The following SNRK variants were observed in gnomAD, a reference collection of about 807,000 sequenced individuals.
SNRK encodes SNF-related serine/threonine-protein kinase.
SNRK carries 3 observed loss-of-function variants against 48.2 expected under a neutral mutation model. The ratio of observed to expected loss-of-function variants is 0.06; its 90% CI spans 0.03 to 0.16. SNRK has a LOEUF of 0.16. SNRK is among the 10% of genes least tolerant of loss of function. The probability of loss-of-function intolerance (pLI) is 1.00; values close to 1 mark genes in which losing one functional copy is unlikely to be tolerated. For synonymous variants in SNRK, 376 were observed against 366.1 expected (o/e 1.03, Z -0.31); for missense variants, 627 against 976.0 (o/e 0.64, Z 4.76).
chr3:43,318,004 C>T (rs552303932), intron 3 of SNRK, among the ~76,000 whole-genome samples: 4 of 152,218 alleles, frequency 2.6e-5, no homozygotes, highest in Non-Finnish European at 5.9e-5. Flanking sequence ...AGTGCTGCTG[C>T]TTTGGGAAAC....
Position 43,347,365 on chromosome 3 carries a change from T to G in SNRK, c.1106T>G (p.Val369Gly). The change falls in exon 7 of 7, where the codon GTA (valine) becomes GGA (glycine). Residue 369 changes from valine (V) to glycine (G), a missense_variant. Physicochemically the swap from Val to Gly is moderately radical, Grantham distance 109. Around this residue, in one of 4 missense-constraint regions of SNRK, gnomAD observed 175 missense variants for 209.7 expected, o/e 0.83. Transcript: ENST00000296088. This position sits in a 1 kb window ranked among gnomAD's most constrained non-coding sequence, Gnocchi z 5.4. The stretch of plus-strand genomic sequence containing the variant: ...CAGTCATGGCCAACCAAAATTGATG[T>G]ACCCCAGGACCTTGAGGATGACCTC... ...FRQSWPTKID[V>G]PQDLEDDLTA... 6.3e-7 allele frequency: 1 copy of G among 1,575,148 alleles called. No individual in the cohort carries two copies. The highest frequency in any genetic ancestry group is 8.6e-7 in the Non-Finnish European group (1 of 1,161,666).
chr3:43,345,113 T>C (rs573939009), intron 6 of SNRK, among the ~76,000 whole-genome samples: 1 of 152,104 alleles, frequency 6.6e-6, no homozygotes, highest in Non-Finnish European at 1.5e-5. Flanking sequence ...ATAAAAAAAA[T>C]TTAAAAATAC....
At chr3:43,333,989 T>C (rs2091167989) in intron 4 of SNRK, among the ~76,000 whole-genome samples, 1 of 151,540 alleles carries the variant, frequency 6.6e-6, no homozygotes, top group African/African-American at 2.4e-5. Flanking sequence ...CTACTAAAAA[T>C]ACAAAACTTA....
chr3:43,314,271 A>G (rs2090999219), intron 3 of SNRK, among the ~76,000 whole-genome samples: 1 of 152,150 alleles, frequency 6.6e-6, no homozygotes, highest in South Asian at 2.1e-4. Context: ...GTTCTTAAGC[A>G]TCTTTATTTA....
intron 4 of SNRK, among the ~76,000 whole-genome samples, chr3:43,339,816 AAAATATAT>A (rs2091219046): frequency 3.8e-5 from 3 of 78,342 alleles, no homozygotes; most frequent in South Asian, 4.5e-4. Flanking sequence ...CTCCATTTCC[AAAATATAT>A]ATATATATAT....
At position 43,348,296 on chromosome 3, in the gene SNRK, C is replaced by A. The variant is rs755604762; in HGVS notation, c.2037C>A (p.Val679=). ...GCTTGTCATTTTCCAGTGTGAAAGTCCAAGAGAAATCTACGTGGAAAATGT... is the reference window on the plus strand; with the variant it reads ...GCTTGTCATTTTCCAGTGTGAAAGTACAAGAGAAATCTACGTGGAAAATGT... ...QNGLSFSSVK[V]QEKSTWKMCI... is the part of the protein sequence containing the mutation. Residue 679 remains valine (V), a synonymous_variant, in exon 7 of 7, where the codon GTC becomes GTA. Transcript: ENST00000296088. 1.2e-6 allele frequency: 2 copies of A among 1,613,958 alleles called. No individual in the cohort carries two copies. The highest frequency in any genetic ancestry group is 1.7e-6 in the Non-Finnish European group (2 of 1,179,942).
chr3:43,331,362 A>G (rs188778721), intron 3 of SNRK, among the ~76,000 whole-genome samples: 3 of 152,292 alleles, frequency 2.0e-5, no homozygotes, highest in East Asian at 3.9e-4. Flanking sequence ...GAAAGAGGTA[A>G]GGAGTTGTTT....
chr3:43,334,427 C>G (rs533550246), intron 4 of SNRK, among the ~76,000 whole-genome samples: 2 of 151,632 alleles, frequency 1.3e-5, no homozygotes, highest in African/African-American at 4.9e-5. Flanking sequence ...CACCACTGCA[C>G]TCCAGTCTGG....
At chr3:43,301,964 C>T (rs1198797555) in intron 2 of SNRK, among the ~76,000 whole-genome samples, 1 of 152,120 alleles carries the variant, frequency 6.6e-6, no homozygotes. Flanking sequence ...TAAATAGGAA[C>T]CTATTTCTAT....
chr3:43,320,031 A>G (rs1047988000), intron 3 of SNRK, among the ~76,000 whole-genome samples: 3 of 152,340 alleles, frequency 2.0e-5, no homozygotes, highest in East Asian at 1.9e-4. Flanking sequence ...GATGAACACA[A>G]ACAGTTTTGA....
At chr3:43,293,966 A>G (rs2090833175) in intron 1 of SNRK, among the ~76,000 whole-genome samples, 1 of 152,152 alleles carries the variant, frequency 6.6e-6, no homozygotes, top group Non-Finnish European at 1.5e-5. Flanking sequence ...TTTGGTATAT[A>G]CAATTTTTTT....
chr3:43,288,201 G>A (rs1408326571), intron 1 of SNRK, among the ~76,000 whole-genome samples: 1 of 152,076 alleles, frequency 6.6e-6, no homozygotes, highest in Non-Finnish European at 1.5e-5. Context: ...CATCCTGAAG[G>A]CTTTTCAGGC....
rs546103626 is a variant in SNRK at position 43,314,392 on chromosome 3, T to G, written c.589+10600T>G. Among the ~76,000 whole-genome samples, 62 of 152,320 alleles carry G rather than the reference T, an allele frequency of 4.1e-4. No homozygotes were observed. The South Asian group carries it at 4.1e-3, about 10-fold the overall frequency. ...TTGCCTTGTCTTGTGAAAAGGTAAA[T>G]TAATAAAATATAAATTGAGACATTC... On this transcript the variant is annotated intron_variant, in intron 3 of 6. Transcript: ENST00000296088.
intron 3 of SNRK, among the ~76,000 whole-genome samples, chr3:43,304,711 G>T (rs1048231637): frequency 2.6e-5 from 4 of 152,142 alleles, no homozygotes; most frequent in African/African-American, 9.6e-5. Context: ...TGAGTATTCT[G>T]CTTGCATTTG....
intron 4 of SNRK, chr3:43,333,109 G>C (rs2091159191): frequency 6.6e-6 from 1 of 152,016 alleles, no homozygotes. Flanking sequence ...ATCTCAGGTG[G>C]ATGTTTAAGA....
intron 6 of SNRK, among the ~76,000 whole-genome samples, chr3:43,345,623 T>C (rs2091269405): frequency 6.6e-6 from 1 of 151,956 alleles, no homozygotes; most frequent in African/African-American, 2.4e-5. Flanking sequence ...AGGGGCAGGG[T>C]CCTAGACCTG....
In SNRK at chr3:43,335,693, T is replaced by C. The variant is rs140088502; in HGVS notation, c.731+3383T>C. ...TCCACTGTGATGGTGGATTTGTTTT[T>C]TTTCTTGGAGCTCTGTCAGTTTTTG... On this transcript the variant is annotated intron_variant, in intron 4 of 6. Coordinates refer to ENST00000296088, the MANE Select transcript of SNRK (RefSeq NM_017719.5). Among the ~76,000 whole-genome samples, 71 of 152,342 alleles carry C rather than the reference T, an allele frequency of 4.7e-4. No individual in the cohort carries two copies. The East Asian group carries it at 0.013, about 28-fold the overall frequency.
chr3:43,326,905 C>T lies in SNRK; in HGVS notation c.590-5264C>T, dbSNP rs571613340. On this transcript the variant is annotated intron_variant, in intron 3 of 6. Coordinates refer to ENST00000296088, the MANE Select transcript of SNRK (RefSeq NM_017719.5). The stretch of plus-strand genomic sequence containing the variant: ...CTTTCTAGGGGAAAAGGAAACATTT[C>T]CCTGTTAAATAATAAAACCTTGCTT... Among the ~76,000 whole-genome samples, 4 of 152,252 alleles carry T rather than the reference C, an allele frequency of 2.6e-5. No homozygotes were observed. In the South Asian group the frequency reaches 6.2e-4, roughly 24 times the overall value.
chr3:43,307,672 C>T (rs1235999046), intron 3 of SNRK, among the ~76,000 whole-genome samples: 1 of 152,032 alleles, frequency 6.6e-6, no homozygotes, highest in Non-Finnish European at 1.5e-5. Flanking sequence ...TTTTACCTAC[C>T]AGCCATTCCC....
Sources: gnomAD v4.1 joint callset for allele counts (sites outside exome capture counted in the v4.1 genomes callset) on GRCh38, gnomAD v4.1.1 for gene constraint, gnomAD v4.1.1 regional missense constraint, Gnocchi (gnomAD v3.1) non-coding constraint, MANE v1.5 for transcripts, NCBI Gene and HGNC (gene_info 2026-07-23, HGNC 2026-07-21) for gene names.